COL11A2: variants seen among roughly 807,000 people sequenced by gnomAD.
COL11A2 encodes collagen alpha-2(XI) chain.
A neutral mutation model predicts 273.4 loss-of-function variants in COL11A2; 116 were observed. That is an observed-to-expected ratio of 0.42 (90% CI 0.36 to 0.49). COL11A2 has a LOEUF of 0.49. Ranked by LOEUF, COL11A2 falls within the 20% of genes least tolerant of loss-of-function variation. COL11A2 has a pLI of 0.00. For synonymous variants in COL11A2, 782 were observed against 864.2 expected (o/e 0.90, Z 1.67); for missense variants, 1,866 against 2,309.0 (o/e 0.81, Z 3.93).
Position 33,166,294 on chromosome 6 carries a change from G to A in COL11A2, c.4393-88C>T. The A allele has an allele frequency of 6.7e-7, 1 of 1,503,410 alleles. No homozygotes were observed. The allele number at this position is 1,503,410 out of a possible 1,614,324, so 93.1% of individuals were successfully genotyped here. A position where few individuals can be genotyped will look rare whatever the true frequency, so the allele number is the denominator to read the frequency against. On this transcript the variant is annotated intron_variant, in intron 60 of 65. Transcript: ENST00000341947. The surrounding 1 kb of genome is among the most constrained non-coding windows in gnomAD (Gnocchi z 4.8). Reference sequence around the variant, plus strand: ...GGGGAGGCAAGGTCCCAAGTCCACAGGAGCCTCGGGTTACTACAGGAGGGG... The same window carrying A: ...GGGGAGGCAAGGTCCCAAGTCCACAAGAGCCTCGGGTTACTACAGGAGGGG...
chr6:33,177,568 G>A lies in COL11A2; in HGVS notation c.1917+94C>T. 6.9e-6 allele frequency: 11 copies of A among 1,587,630 alleles called. No homozygotes were observed. Among genetic ancestry groups the A allele is most frequent in the Non-Finnish European group, 9.5e-6 (11 of 1,158,126 alleles). On this transcript the variant is annotated intron_variant, in intron 22 of 65. Transcript: ENST00000341947. The surrounding 1 kb of genome is among the most constrained non-coding windows in gnomAD (Gnocchi z 5.9). Reference sequence around the variant, plus strand: ...AGCGATAGCCAAGAAGGCAAGAGCAGGAAGCAGGCAGGGGTCAAAATGGCG... The same window carrying A: ...AGCGATAGCCAAGAAGGCAAGAGCAAGAAGCAGGCAGGGGTCAAAATGGCG...
intron 30 of COL11A2, 38 bp from the exon 31 acceptor site, chr6:33,174,618 G>A: frequency 6.2e-7 from 1 of 1,601,132 alleles, no homozygotes; most frequent in Non-Finnish European, 8.5e-7. Flanking sequence ...GTGAGAGGAG[G>A]CCCAGATGCC....
At position 33,180,274 on chromosome 6, in the gene COL11A2, G is replaced by A. The variant is rs1487152821; in HGVS notation, c.1343C>T (p.Thr448Ile). The A allele has an allele frequency of 1.2e-6, 2 of 1,612,926 alleles. No homozygotes were observed. Among genetic ancestry groups the A allele is most frequent in the Non-Finnish European group, 1.7e-6 (2 of 1,180,032 alleles). The change falls in exon 12 of 66, where the codon ACA becomes ATA. Residue 448 changes from threonine to isoleucine, a missense_variant. By Grantham distance (89) the Thr-to-Ile change is moderately conservative. Coordinates refer to ENST00000341947, the MANE Select transcript of COL11A2 (RefSeq NM_080680.3). The stretch of plus-strand genomic sequence containing the variant: ...ACAACTCACTGGGAGCATGAGAGAT[G>A]TGCCAGGAGGACCAGGAGCCCCATC... ...GSDGAPGPPG[T>I]SLMLPFRFGS...
chr6:33,183,170 G>A (rs866342274), intron 8 of COL11A2, among the ~76,000 whole-genome samples: 5 of 152,174 alleles, frequency 3.3e-5, no homozygotes, highest in African/African-American at 1.2e-4. Context: ...GAAGATATGA[G>A]AACAACTAAG....
upstream of COL11A2, among the ~76,000 whole-genome samples, chr6:33,192,815 GA>G (rs1444393329): frequency 1.3e-5 from 2 of 152,106 alleles, no homozygotes; most frequent in African/African-American, 4.8e-5. Context: ...GGCACAGTGG[GA>G]GGGGGAGAGG....
Position 33,173,864 on chromosome 6 carries a change from AC to A in COL11A2, c.2583+8del. 6.2e-7 allele frequency: 1 copy of A among 1,613,900 alleles called. No homozygotes were observed. The highest frequency in any genetic ancestry group is 1.7e-5 in the Admixed American group (1 of 60,008). On this transcript the variant is annotated splice_region_variant and intron_variant, in intron 34 of 65. Coordinates refer to ENST00000341947, the MANE Select transcript of COL11A2 (RefSeq NM_080680.3). The surrounding 1 kb of genome is among the most constrained non-coding windows in gnomAD (Gnocchi z 6.3). ...AGGGGGCAGTTGGAGCCTTGTAGAG[AC>A]CATTCACCTTAGCTCCAGACTTCCC... is the stretch of plus-strand genomic sequence containing the variant.
At position 33,189,066 on chromosome 6, in the gene COL11A2, G is replaced by A; in HGVS notation, c.355C>T (p.Pro119Ser). The A allele has an allele frequency of 6.2e-7, 1 of 1,614,210 alleles. No individual in the cohort carries two copies. Among genetic ancestry groups the A allele is most frequent in the African/African-American group, 1.3e-5 (1 of 75,048 alleles). The change falls in exon 3 of 66, where the codon CCT (proline) becomes TCT (serine). Residue 119 changes from proline (P) to serine (S), a missense_variant. Pro to Ser is a moderately conservative substitution (Grantham distance 74, BLOSUM62 -1). Transcript: ENST00000341947. The surrounding 1 kb of genome is among the most constrained non-coding windows in gnomAD (Gnocchi z 5.6). The part of the protein sequence containing the change: ...VRQLGLELGR[P>S]VRFLYEDQTG... Reference sequence around the variant, plus strand: ...TGGTCTTCATACAGGAAGCGGACAGGTCGGCCCAGCTCCAGGCCCAGCTGT... The same window carrying A: ...TGGTCTTCATACAGGAAGCGGACAGATCGGCCCAGCTCCAGGCCCAGCTGT...
In COL11A2 at chr6:33,169,945, C is replaced by G; in HGVS notation, c.3637-61G>C. 1 of 1,612,924 alleles carries G rather than the reference C, an allele frequency of 6.2e-7. No individual in the cohort carries two copies. Among genetic ancestry groups the G allele is most frequent in the East Asian group, 2.2e-5 (1 of 44,874 alleles). On this transcript the variant is annotated intron_variant, in intron 49 of 65. Coordinates refer to ENST00000341947, the MANE Select transcript of COL11A2 (RefSeq NM_080680.3). This position sits in a 1 kb window ranked among gnomAD's most constrained non-coding sequence, Gnocchi z 5.5. ...TCCCCAGCCAAAAAATTCTGATATT[C>G]CCCACATCTCATTCTCTTTTGTCTC...
At chr6:33,174,634 ACC>A in intron 30 of COL11A2, 54 bp from the exon 31 acceptor site, 1 of 1,542,584 alleles carries the variant, frequency 6.5e-7, no homozygotes, top group Non-Finnish European at 8.9e-7. Flanking sequence ...ATGCCACTCC[ACC>A]CCTGGAGACC....
intron 8 of COL11A2, 56 bp from the exon 9 acceptor site, chr6:33,181,226 G>T: frequency 6.4e-7 from 1 of 1,571,376 alleles, no homozygotes; most frequent in Non-Finnish European, 8.8e-7. Flanking sequence ...CAGGACACTA[G>T]GCCTTTCTCC....
In COL11A2 at chr6:33,177,151, C is replaced by T. The variant is rs1369668767; in HGVS notation, c.2016+30G>A. 2 of 1,613,026 alleles carry T rather than the reference C, an allele frequency of 1.2e-6. No homozygotes were observed. Among genetic ancestry groups the T allele is most frequent in the East Asian group, 2.2e-5 (1 of 44,884 alleles). ...TCTCCCTACATCCCCACTCTAAACC[C>T]CCTGTCCTCCAAATCACTTAGTCAC... On this transcript the variant is annotated intron_variant, in intron 24 of 65. Transcript: ENST00000341947. This position sits in a 1 kb window ranked among gnomAD's most constrained non-coding sequence, Gnocchi z 5.9.
intron 1 of COL11A2, among the ~76,000 whole-genome samples, chr6:33,191,059 A>T (rs1288935550): frequency 6.6e-6 from 1 of 152,026 alleles, no homozygotes; most frequent in Admixed American, 6.6e-5. Context: ...CATTTCCCTA[A>T]AGTCCCATCT....
Position 33,171,294 on chromosome 6 carries a change from T to G in COL11A2, c.3289A>C (p.Thr1097Pro), listed in dbSNP as rs138045609. ...GEVGDPGQKG[T>P]KGNKGEHGPP... ...ACATGTTCACCCTTGTTCCCTTTGG[T>G]GCCCTTCTGTCCGGGGTCCCCCACC... The change falls in exon 44 of 66, where the codon ACC becomes CCC. Residue 1097 changes from threonine to proline, a missense_variant. Transcript: ENST00000341947. 2.7e-4 allele frequency: 439 copies of G among 1,614,062 alleles called. No individual in the cohort carries two copies. Among genetic ancestry groups the G allele is most frequent in the Non-Finnish European group, 3.6e-4 (421 of 1,180,030 alleles).
rs889618970 is a variant in COL11A2 at position 33,167,677 on chromosome 6, G to A, written c.4014+122C>T. On this transcript the variant is annotated intron_variant, in intron 55 of 65. Transcript: ENST00000341947. The surrounding 1 kb of genome is among the most constrained non-coding windows in gnomAD (Gnocchi z 6.1). Reference sequence around the variant, plus strand: ...TAGCGCAGGAACAAGTACAGGGAACGCCTGTCCCCATAAGGGCCCAACATG... The same window carrying A: ...TAGCGCAGGAACAAGTACAGGGAACACCTGTCCCCATAAGGGCCCAACATG... 1.0e-5 allele frequency: 15 copies of A among 1,454,018 alleles called. No individual in the cohort carries two copies. In the Admixed American group the frequency reaches 1.5e-4, roughly 15 times the overall value. The allele number at this position is 1,454,018 out of a possible 1,614,324, so 90.1% of individuals were successfully genotyped here. A position where few individuals can be genotyped will look rare whatever the true frequency, so the allele number is the denominator to read the frequency against.
At position 33,173,634 on chromosome 6, in the gene COL11A2, G is replaced by T; in HGVS notation, c.2628+67C>A. On this transcript the variant is annotated intron_variant, in intron 35 of 65. Transcript: ENST00000341947. The surrounding 1 kb of genome is among the most constrained non-coding windows in gnomAD (Gnocchi z 6.3). ...GAACTCAGCTTCCTTCCTGGGGTGA[G>T]GAGGGAGCTGGCTCACCCAGGCTCC... The T allele has an allele frequency of 1.4e-6, 2 of 1,464,960 alleles. No homozygotes were observed. Among genetic ancestry groups the T allele is most frequent in the South Asian group, 1.2e-5 (1 of 85,982 alleles). 90.7% of individuals were successfully genotyped at this position (1,464,960 alleles called of 1,614,324 possible).
chr6:33,165,703 TC>T lies in COL11A2; in HGVS notation c.4595del (p.Gly1532GlufsTer26). On this transcript the variant is annotated frameshift_variant, in exon 63 of 66. Transcript: ENST00000341947. LOFTEE classifies it high-confidence loss of function. This position sits in a 1 kb window ranked among gnomAD's most constrained non-coding sequence, Gnocchi z 7.7. ...MQEDEAIPTG[G>X]APGSPGGLEE... ...CCAGCCCCCCAGGACTGCCGGGGGC[TC>T]CCCCGGTCGGTATGGCCTCATCTTC... The T allele has an allele frequency of 6.2e-7, 1 of 1,610,604 alleles. No individual in the cohort carries two copies.
chr6:33,174,347 G>A, intron 31 of COL11A2, 129 bp from the exon 32 acceptor site: 1 of 1,411,634 alleles, frequency 7.1e-7, no homozygotes, highest in Non-Finnish European at 9.8e-7. Flanking sequence ...AGAACTAAGT[G>A]GCCTTGGACA....
rs1055206078 is a variant in COL11A2 at position 33,170,092 on chromosome 6, T to C, written c.3591A>G (p.Gln1197=). 1.9e-6 allele frequency: 3 copies of C among 1,612,962 alleles called. No individual in the cohort carries two copies. The highest frequency in any genetic ancestry group is 2.7e-5 in the African/African-American group (2 of 74,984). The change falls in exon 49 of 66, where the codon CAA becomes CAG. Residue 1197 remains glutamine (Q), a synonymous_variant. Coordinates refer to ENST00000341947, the MANE Select transcript of COL11A2 (RefSeq NM_080680.3). This position sits in a 1 kb window ranked among gnomAD's most constrained non-coding sequence, Gnocchi z 4.3. ...PAGPNGADGP[Q]GPPGGVGNLG... ...GGTTCCCAACACCTCCTGGGGGACC[T>C]TGTGGGCCCTGGAAGAGGAACAGAA...
chr6:33,186,557 G>A, intron 5 of COL11A2, 70 bp downstream of exon 5: 1 of 1,612,968 alleles, frequency 6.2e-7, no homozygotes, highest in African/African-American at 1.3e-5. Context: ...GACAACTAAG[G>A]AGGAGAGATG....
Sources: gnomAD v4.1 joint callset for allele counts (sites outside exome capture counted in the v4.1 genomes callset) on GRCh38, gnomAD v4.1.1 for gene constraint, Gnocchi (gnomAD v3.1) non-coding constraint, MANE v1.5 for transcripts, NCBI Gene and HGNC (gene_info 2026-07-23, HGNC 2026-07-21) for gene names.